The following MYH9 variants were observed in gnomAD, a reference collection of about 807,000 sequenced individuals.
MYH9 encodes myosin heavy chain 9, also known as myosin-9.
MYH9 carries 29 observed loss-of-function variants against 241.9 expected under a neutral mutation model. The ratio of observed to expected loss-of-function variants is 0.12; its 90% CI spans 0.09 to 0.16. MYH9 has a LOEUF of 0.16. Ranked by LOEUF, MYH9 falls within the 10% of genes least tolerant of loss-of-function variation. The pLI is 1.00. For missense variants in MYH9, 1,803 were observed against 2,595.5 expected, an observed-to-expected ratio of 0.69 and a Z score of 6.63; for synonymous variants, 1,047 against 1,062.6, an observed-to-expected ratio of 0.99 and a Z score of 0.29.
In MYH9 at chr22:36,285,908, G is replaced by A. The variant is rs569541375; in HGVS notation, c.5107C>T (p.Arg1703Trp). Reference protein sequence around the residue: ...ERAKRQAQQERDELADEIANS... With the variant: ...ERAKRQAQQEWDELADEIANS... ...GCGATCTCGTCAGCCAGCTCATCCC[G>A]CTCCTGCTGGGCCTGGCGCTTGGCA... Residue 1703 changes from arginine to tryptophan, a missense_variant, in exon 36 of 41, where the codon CGG becomes TGG. Transcript: ENST00000216181. This position sits in a 1 kb window ranked among gnomAD's most constrained non-coding sequence, Gnocchi z 7.0. 160 of 1,612,426 alleles carry A rather than the reference G, an allele frequency of 9.9e-5. No homozygotes were observed. The South Asian group carries it at 1.0e-3, about 11-fold the overall frequency.
Position 36,341,370 on chromosome 22 carries a change from C to T in MYH9, c.490G>A (p.Asp164Asn). ...GGTGGGCACACACTACGTCACCCAC[C>T]TTGCATCATACTCCTGTAGGCGGTG... ...TDTAYRSMMQ[D>N]REDQSILCTG... The change falls in exon 3 of 41, where the codon GAC (aspartate) becomes AAC (asparagine). Residue 164 changes from aspartate to asparagine, a missense_variant and splice_region_variant. By Grantham distance (23) the Asp-to-Asn change is conservative (BLOSUM62 1). Around this residue, in one of 11 missense-constraint regions of MYH9, gnomAD observed 72 missense variants for 134.3 expected, o/e 0.54. Coordinates refer to ENST00000216181, the MANE Select transcript of MYH9 (RefSeq NM_002473.6). 2 of 1,613,742 alleles carry T rather than the reference C, an allele frequency of 1.2e-6. No homozygotes were observed. The highest frequency in any genetic ancestry group is 1.7e-6 in the Non-Finnish European group (2 of 1,179,808).
At chr22:36,382,872 T>C (rs934795921) in intron 1 of MYH9, among the ~76,000 whole-genome samples, 17 of 152,024 alleles carry the variant, frequency 1.1e-4, no homozygotes, top group African/African-American at 1.4e-4. Flanking sequence ...CATACATAAC[T>C]TGTGGGCACA....
At position 36,300,080 on chromosome 22, in the gene MYH9, T is replaced by C. The variant is rs2016850686; in HGVS notation, c.2976+47A>G. 1.2e-6 allele frequency: 2 copies of C among 1,603,758 alleles called. No homozygotes were observed. Among genetic ancestry groups the C allele is most frequent in the Non-Finnish European group, 1.7e-6 (2 of 1,179,868 alleles). ...CTGCAAGGGTGACCACACTCTCCCA[T>C]CCACGGCGCCCCTGGAGCAGCGGCA... On this transcript the variant is annotated intron_variant, in intron 23 of 40. Transcript: ENST00000216181. The surrounding 1 kb of genome is among the most constrained non-coding windows in gnomAD (Gnocchi z 5.0).
chr22:36,302,315 G>A, intron 20 of MYH9: 1 of 435,620 alleles, frequency 2.3e-6, no homozygotes, highest in South Asian at 2.3e-5. Context: ...AGGCCAGGAA[G>A]GTCAGCCTGG....
chr22:36,348,490 C>A (rs550347904), intron 2 of MYH9, among the ~76,000 whole-genome samples: 2 of 140,162 alleles, frequency 1.4e-5, no homozygotes, highest in South Asian at 2.3e-4. Context: ...GCGGGGGCAA[C>A]AGAGCAAGAC....
rs374840260 is a variant in MYH9, at chr22:36,300,232, G to T, written c.2871C>A (p.Ser957Arg). The T allele has an allele frequency of 1.2e-6, 2 of 1,613,436 alleles. No homozygotes were observed. ...ELEEQLEEEESARQKLQLEKV... is the reference protein window; with the variant it reads ...ELEEQLEEEERARQKLQLEKV... ...TCTCCAGCTGCAGCTTCTGCCGGGCGCTCTCCTCCTCCTCCAGCTGCTCCT... is the reference window on the plus strand; with the variant it reads ...TCTCCAGCTGCAGCTTCTGCCGGGCTCTCTCCTCCTCCTCCAGCTGCTCCT... The change falls in exon 23 of 41, where the codon AGC (serine) becomes AGA (arginine). Residue 957 changes from serine to arginine, a missense_variant. This residue lies in a region of MYH9 where 290 missense variants were observed against 360.5 expected (regional missense o/e 0.80). Coordinates refer to ENST00000216181, the MANE Select transcript of MYH9 (RefSeq NM_002473.6). This position sits in a 1 kb window ranked among gnomAD's most constrained non-coding sequence, Gnocchi z 5.0.
At chr22:36,380,728 G>A (rs978543399) in intron 1 of MYH9, among the ~76,000 whole-genome samples, 1 of 151,714 alleles carries the variant, frequency 6.6e-6, no homozygotes, top group African/African-American at 2.4e-5. Context: ...GCAACAGAGT[G>A]AGACTCTGTC....
At chr22:36,313,451 C>CAAAAAAA (rs57101170) in intron 13 of MYH9, among the ~76,000 whole-genome samples, 1 of 52,930 alleles carries the variant, frequency 1.9e-5, no homozygotes, top group African/African-American at 7.2e-5. Flanking sequence ...GACTCCGTCT[C>CAAAAAAA]AAAAAAAAAA....
At position 36,288,193 on chromosome 22, in the gene MYH9, A is replaced by C; in HGVS notation, c.4932+59T>G. ...CCCTGGGCCGAGCCCTGGCACCTTC[A>C]TATGTAGTTGGCTCAGTCGGGTGCC... On this transcript the variant is annotated intron_variant, in intron 34 of 40. Transcript: ENST00000216181. The surrounding 1 kb of genome is among the most constrained non-coding windows in gnomAD (Gnocchi z 4.8). 6.2e-7 allele frequency: 1 copy of C among 1,604,206 alleles called. No homozygotes were observed. Among genetic ancestry groups the C allele is most frequent in the Non-Finnish European group, 8.5e-7 (1 of 1,176,170 alleles).
At chr22:36,298,459 T>C (rs1445601476) in intron 24 of MYH9, among the ~76,000 whole-genome samples, 2 of 152,226 alleles carry the variant, frequency 1.3e-5, no homozygotes, top group African/African-American at 4.8e-5. Flanking sequence ...ATGTATTTAA[T>C]GAAATTCTCA....
intron 1 of MYH9, among the ~76,000 whole-genome samples, chr22:36,370,833 C>T (rs1356930952): frequency 1.4e-5 from 2 of 146,810 alleles, no homozygotes; most frequent in African/African-American, 2.5e-5. Context: ...AAGGAAAAAG[C>T]GCTGGTGAAC....
chr22:36,324,848 C>T (rs1387092097), intron 5 of MYH9, among the ~76,000 whole-genome samples: 1 of 152,238 alleles, frequency 6.6e-6, no homozygotes, highest in Non-Finnish European at 1.5e-5. Flanking sequence ...GTGGCTCCCA[C>T]TGTCACCCCC....
rs2016769515 is a variant in MYH9, at chr22:36,295,187, C to G, written c.3486-111G>C. ...CTGGCCAGGGCACAGGCACTCCAGGCAGCTTTTCTACCCACCGGCCCCTCC... is the reference window on the plus strand; with the variant it reads ...CTGGCCAGGGCACAGGCACTCCAGGGAGCTTTTCTACCCACCGGCCCCTCC... On this transcript the variant is annotated intron_variant, in intron 26 of 40. Transcript: ENST00000216181. This position sits in a 1 kb window ranked among gnomAD's most constrained non-coding sequence, Gnocchi z 4.1. 6.8e-7 allele frequency: 1 copy of G among 1,479,374 alleles called. No homozygotes were observed. Among genetic ancestry groups the G allele is most frequent in the Middle Eastern group, 1.7e-4 (1 of 5,768 alleles). The allele number at this position is 1,479,374 out of a possible 1,614,324, so 91.6% of individuals were successfully genotyped here.
chr22:36,347,470 C>T (rs1020088594), intron 2 of MYH9, among the ~76,000 whole-genome samples: 3 of 151,836 alleles, frequency 2.0e-5, no homozygotes, highest in African/African-American at 4.8e-5. Flanking sequence ...CAGTGGCTCA[C>T]GCCTGTAATC....
intron 3 of MYH9, among the ~76,000 whole-genome samples, chr22:36,337,131 C>T (rs1033461088): frequency 6.6e-6 from 1 of 151,890 alleles, no homozygotes; most frequent in African/African-American, 2.4e-5. Context: ...ATGCTTAGTC[C>T]AGTAGTTCTT....
At chr22:36,358,479 C>A (rs573504992) in intron 1 of MYH9, among the ~76,000 whole-genome samples, 2 of 152,276 alleles carry the variant, frequency 1.3e-5, no homozygotes, top group African/African-American at 4.8e-5. Context: ...CTCCCCCACA[C>A]CCCTTCATAT....
Position 36,292,630 on chromosome 22 carries a change from G to A in MYH9, c.4096-396C>T, listed in dbSNP as rs376801203. Among the ~76,000 whole-genome samples the A allele has an allele frequency of 6.4e-4, 98 of 152,298 alleles. 3 individuals carry two copies. The South Asian group carries it at 0.019, about 30-fold the overall frequency. On this transcript the variant is annotated intron_variant, in intron 30 of 40. Transcript: ENST00000216181. ...GATAAACCCACAATCAGGCACGCTCGCGGGCTACTCCTACCCTGACTGTGG... is the reference window on the plus strand; with the variant it reads ...GATAAACCCACAATCAGGCACGCTCACGGGCTACTCCTACCCTGACTGTGG...
intron 1 of MYH9, among the ~76,000 whole-genome samples, chr22:36,360,662 G>A (rs182806064): frequency 8.0e-5 from 12 of 150,062 alleles, no homozygotes; most frequent in African/African-American, 2.9e-4. Flanking sequence ...GCAGTGAGCC[G>A]AGATCGCACC....
intron 11 of MYH9, among the ~76,000 whole-genome samples, chr22:36,317,390 T>C (rs2017174439): frequency 6.6e-6 from 1 of 152,190 alleles, no homozygotes; most frequent in African/African-American, 2.4e-5. Flanking sequence ...GATTTTTCTG[T>C]ATTAAGAGTC....
Sources: allele counts gnomAD v4.1 joint callset (sites outside exome capture counted in the v4.1 genomes callset), GRCh38; gene constraint gnomAD v4.1.1; regional missense constraint gnomAD v4.1.1; non-coding constraint Gnocchi (gnomAD v3.1); transcripts MANE v1.5; gene names NCBI Gene and HGNC (gene_info 2026-07-23, HGNC 2026-07-21).